The following SYT16 variants were observed in gnomAD, a reference collection of about 807,000 sequenced individuals.
SYT16 encodes synaptotagmin 16.
A neutral mutation model predicts 61.4 loss-of-function variants in SYT16; 42 were observed. That is an observed-to-expected ratio of 0.68 (90% CI 0.53 to 0.89). SYT16 has a LOEUF of 0.89. Among genes scored for constraint, SYT16 ranks in the 40% least tolerant of loss-of-function variants. The pLI is 0.00. For synonymous variants in SYT16, 314 were observed against 302.3 expected, an observed-to-expected ratio of 1.04 and a Z score of -0.40; for missense variants, 804 against 807.3, an observed-to-expected ratio of 1.00 and a Z score of 0.05.
At chr14:61,886,898 C>CTTTTT (rs377557650) in intron 1 of SYT16, among the ~76,000 whole-genome samples, 2 of 98,230 alleles carry the variant, frequency 2.0e-5, no homozygotes, top group African/African-American at 4.0e-5. Flanking sequence ...TTTTTTTTGT[C>CTTTTT]TTTTTTTTTT....
chr14:62,000,453 G>C (rs901489454), intron 3 of SYT16, among the ~76,000 whole-genome samples: 2 of 151,700 alleles, frequency 1.3e-5, no homozygotes, highest in Non-Finnish European at 2.9e-5. Context: ...TATGTGGTAG[G>C]TTTCTAGTAC....
At chr14:61,916,589 G>A (rs2049130030) in intron 1 of SYT16, among the ~76,000 whole-genome samples, 1 of 152,062 alleles carries the variant, frequency 6.6e-6, no homozygotes. Context: ...TTTGTGTTAA[G>A]AACCTTCCAA....
At chr14:61,898,451 A>G (rs2048402000) in intron 1 of SYT16, among the ~76,000 whole-genome samples, 1 of 152,172 alleles carries the variant, frequency 6.6e-6, no homozygotes, top group African/African-American at 2.4e-5. Flanking sequence ...TAGAAATATG[A>G]CAGTAGAGAA....
intron 1 of SYT16, among the ~76,000 whole-genome samples, chr14:61,820,255 A>C (rs542952409): frequency 3.3e-5 from 5 of 152,326 alleles, no homozygotes; most frequent in African/African-American, 9.6e-5. Context: ...ATGTGCACAC[A>C]CACAACTTGT....
At chr14:61,866,315 G>A (rs1219450597) in intron 1 of SYT16, among the ~76,000 whole-genome samples, 1 of 152,122 alleles carries the variant, frequency 6.6e-6, no homozygotes, top group Non-Finnish European at 1.5e-5. Flanking sequence ...GAAGAGGAGG[G>A]TGGGGGAGAA....
At chr14:61,966,404 A>C (rs977351595) in intron 1 of SYT16, among the ~76,000 whole-genome samples, 9 of 152,116 alleles carry the variant, frequency 5.9e-5, no homozygotes, top group Non-Finnish European at 1.2e-4. Flanking sequence ...CATTATCATC[A>C]TTTTTATATT....
At chr14:62,046,995 T>G (rs2055021308) in intron 3 of SYT16, among the ~76,000 whole-genome samples, 1 of 152,198 alleles carries the variant, frequency 6.6e-6, no homozygotes, top group African/African-American at 2.4e-5. Flanking sequence ...GTGAAGAAAG[T>G]CATTGGTAGC....
chr14:62,017,645 T>C (rs1246347305), intron 3 of SYT16, among the ~76,000 whole-genome samples: 2 of 152,182 alleles, frequency 1.3e-5, no homozygotes, highest in African/African-American at 2.4e-5. Context: ...ACCATTACAA[T>C]ATATCTAAAC....
At chr14:61,975,192 G>A (rs533428540) in intron 2 of SYT16, among the ~76,000 whole-genome samples, 2 of 152,298 alleles carry the variant, frequency 1.3e-5, no homozygotes, top group East Asian at 3.9e-4. Context: ...ATTGTAAGTT[G>A]AGGACCATCT....
intron 1 of SYT16, among the ~76,000 whole-genome samples, chr14:61,967,163 A>T (rs534693857): frequency 2.9e-4 from 43 of 149,928 alleles, no homozygotes; most frequent in Non-Finnish European, 5.1e-4. Flanking sequence ...ATATGCAAAG[A>T]TCTGGAGGTG....
chr14:61,852,873 CA>C (rs2140274036), intron 1 of SYT16, among the ~76,000 whole-genome samples: 1 of 152,250 alleles, frequency 6.6e-6, no homozygotes, highest in East Asian at 1.9e-4. Flanking sequence ...ATACTGTAAA[CA>C]CAGAGGTTTA....
intron 1 of SYT16, among the ~76,000 whole-genome samples, chr14:61,893,011 T>C (rs1469211084): frequency 6.6e-6 from 1 of 152,152 alleles, no homozygotes; most frequent in Non-Finnish European, 1.5e-5. Flanking sequence ...ACTGGAGTCC[T>C]TCACTTCCAG....
rs532425808 is a variant in SYT16 at position 61,939,205 on chromosome 14, A to G, written c.-324-30927A>G. 2.6e-5 allele frequency among the ~76,000 whole-genome samples: 4 copies of G among 152,312 alleles called. No homozygotes were observed. In the South Asian group the frequency reaches 6.2e-4, roughly 24 times the overall value. On this transcript the variant is annotated intron_variant, in intron 1 of 7. Coordinates refer to ENST00000683842, the MANE Select transcript of SYT16 (RefSeq NM_001367656.1). ...GCATTATGTGTCTGGGAACTTTGCTATAGAAGTCTGGAGGACCTTTAATTA... is the reference window on the plus strand; with the variant it reads ...GCATTATGTGTCTGGGAACTTTGCTGTAGAAGTCTGGAGGACCTTTAATTA...
intron 5 of SYT16, among the ~76,000 whole-genome samples, chr14:62,076,334 G>A (rs1044258072): frequency 6.6e-6 from 1 of 152,120 alleles, no homozygotes; most frequent in African/African-American, 2.4e-5. Flanking sequence ...TGCAGGGATG[G>A]GGGAAGAAGG....
chr14:62,085,905 T>C (rs1166309008), intron 7 of SYT16, among the ~76,000 whole-genome samples: 1 of 152,256 alleles, frequency 6.6e-6, no homozygotes, highest in Non-Finnish European at 1.5e-5. Flanking sequence ...CTGGATTTAC[T>C]ACTTTGCCTT....
intron 1 of SYT16, among the ~76,000 whole-genome samples, chr14:61,928,790 T>C (rs1278903645): frequency 6.6e-6 from 1 of 152,202 alleles, no homozygotes; most frequent in Non-Finnish European, 1.5e-5. Context: ...TACTTCCTTT[T>C]GAGGCTAGGG....
chr14:61,939,427 A>G (rs2050121197), intron 1 of SYT16, among the ~76,000 whole-genome samples: 1 of 152,218 alleles, frequency 6.6e-6, no homozygotes, highest in Non-Finnish European at 1.5e-5. Flanking sequence ...GCAAAGCTTC[A>G]ACAGCAGAGA....
At chr14:62,021,682 G>T (rs1428256194) in intron 3 of SYT16, among the ~76,000 whole-genome samples, 1 of 140,462 alleles carries the variant, frequency 7.1e-6, no homozygotes, top group East Asian at 2.6e-4. Flanking sequence ...GACTAAAAGG[G>T]AGGCTTTCTC....
intron 1 of SYT16, among the ~76,000 whole-genome samples, chr14:61,818,241 C>T (rs1242744818): frequency 6.6e-6 from 1 of 152,148 alleles, no homozygotes; most frequent in Non-Finnish European, 1.5e-5. Flanking sequence ...TTGTTGCATC[C>T]ATCTCCACCT....
Sources: gnomAD v4.1 joint callset for allele counts (sites outside exome capture counted in the v4.1 genomes callset) on GRCh38, gnomAD v4.1.1 for gene constraint, MANE v1.5 for transcripts, NCBI Gene and HGNC (gene_info 2026-07-23, HGNC 2026-07-21) for gene names.